SPTSSB: variants seen among roughly 807,000 people sequenced by gnomAD.
SPTSSB encodes the protein serine palmitoyltransferase small subunit B.
SPTSSB carries 6 observed loss-of-function variants against 7.7 expected under a neutral mutation model. That is an observed-to-expected ratio of 0.78 (90% confidence interval 0.43 to 1.54). SPTSSB has a LOEUF of 1.54. SPTSSB is among the 40% of genes most tolerant of loss of function. The pLI is 0.01. For missense variants in SPTSSB, 91 were observed against 93.0 expected (o/e 0.98, Z 0.09); for synonymous variants, 28 against 29.7 (o/e 0.94, Z 0.19).
chr3:161,363,124 A>T (rs1260384445), intron 1 of SPTSSB, among the ~76,000 whole-genome samples: 1 of 151,780 alleles, frequency 6.6e-6, no homozygotes, highest in Non-Finnish European at 1.5e-5. Context: ...CATTTCCATT[A>T]TGTTGGTTCC....
intron 1 of SPTSSB, among the ~76,000 whole-genome samples, chr3:161,364,204 C>T (rs1267768314): frequency 6.6e-6 from 1 of 151,942 alleles, no homozygotes; most frequent in Non-Finnish European, 1.5e-5. Flanking sequence ...AATTTTGAGA[C>T]CAAAGGAAAG....
At chr3:161,362,658 A>G (rs1715058550) in intron 1 of SPTSSB, among the ~76,000 whole-genome samples, 1 of 152,090 alleles carries the variant, frequency 6.6e-6, no homozygotes, top group Non-Finnish European at 1.5e-5. Flanking sequence ...TGCCTTGTTT[A>G]TGATGACAAA....
At chr3:161,347,705 G>A (rs1176526709) in intron 2 of SPTSSB, among the ~76,000 whole-genome samples, 1 of 151,772 alleles carries the variant, frequency 6.6e-6, no homozygotes, top group Non-Finnish European at 1.5e-5. Flanking sequence ...AACCCTGTCT[G>A]TACTAAAAAT....
intron 2 of SPTSSB, among the ~76,000 whole-genome samples, chr3:161,349,529 G>A (rs1458196798): frequency 6.6e-6 from 1 of 152,216 alleles, no homozygotes; most frequent in Non-Finnish European, 1.5e-5. Flanking sequence ...CCTGTTTTTA[G>A]TTAGGTGCTT....
chr3:161,358,241 C>T (rs1714863500), intron 2 of SPTSSB, among the ~76,000 whole-genome samples: 1 of 151,914 alleles, frequency 6.6e-6, no homozygotes, highest in Admixed American at 6.6e-5. Context: ...CTTAAATTAT[C>T]CCTGTTTTAA....
intron 2 of SPTSSB, among the ~76,000 whole-genome samples, chr3:161,358,641 G>A (rs1714883816): frequency 6.6e-6 from 1 of 151,966 alleles, no homozygotes; most frequent in South Asian, 2.1e-4. Context: ...TCATTTTTAA[G>A]GTGGGGCATA....
chr3:161,368,426 C>T (rs1376909439), intron 1 of SPTSSB, among the ~76,000 whole-genome samples: 1 of 123,568 alleles, frequency 8.1e-6, no homozygotes, highest in Non-Finnish European at 1.6e-5. Context: ...CTAATCTTAC[C>T]TTCTTTTTTT....
At chr3:161,368,598 T>C (rs1041644530) in intron 1 of SPTSSB, among the ~76,000 whole-genome samples, 1 of 151,902 alleles carries the variant, frequency 6.6e-6, no homozygotes, top group Non-Finnish European at 1.5e-5. Flanking sequence ...GGCTAATTTT[T>C]TGTATTTTTA....
At chr3:161,356,225 G>T (rs1470280527) in intron 2 of SPTSSB, among the ~76,000 whole-genome samples, 1 of 152,202 alleles carries the variant, frequency 6.6e-6, no homozygotes, top group Non-Finnish European at 1.5e-5. Flanking sequence ...TACAGTACTT[G>T]TGGGAACTGT....
At chr3:161,367,418 G>A (rs555923381) in intron 1 of SPTSSB, among the ~76,000 whole-genome samples, 2 of 152,292 alleles carry the variant, frequency 1.3e-5, no homozygotes, top group Admixed American at 1.3e-4. Flanking sequence ...AATCCCTAAA[G>A]CTAAGGGTAT....
At chr3:161,362,360 G>A (rs1381793136) in intron 1 of SPTSSB, among the ~76,000 whole-genome samples, 1 of 152,000 alleles carries the variant, frequency 6.6e-6, no homozygotes, top group Non-Finnish European at 1.5e-5. Context: ...TTGAGCTAAG[G>A]GACAAATGTA....
intron 1 of SPTSSB, among the ~76,000 whole-genome samples, chr3:161,368,698 T>C (rs1471127674): frequency 6.6e-6 from 1 of 152,142 alleles, no homozygotes; most frequent in African/African-American, 2.4e-5. Flanking sequence ...AGTGCTGGGA[T>C]TACAGGCGTG....
At position 161,346,110 on chromosome 3, in the gene SPTSSB, T is replaced by A. The variant is rs751947838; in HGVS notation, c.214A>T (p.Ser72Cys). 2 of 1,568,446 alleles carry A rather than the reference T, an allele frequency of 1.3e-6. No individual in the cohort carries two copies. Among genetic ancestry groups the A allele is most frequent in the Non-Finnish European group, 1.8e-6 (2 of 1,138,432 alleles). Reference sequence around the variant, plus strand: ...GAACAGGATCAATTAGAAATTGTACTGTGATATCCACATATTTTTGAGAAA... The same window carrying A: ...GAACAGGATCAATTAGAAATTGTACAGTGATATCCACATATTTTTGAGAAA... ...EFFSKICGYHSTISN is the reference protein window; with the variant it reads ...EFFSKICGYHCTISN Residue 72 changes from serine (S) to cysteine (C), a missense_variant, in exon 3 of 3, where the codon AGT becomes TGT. Ser to Cys is a moderately radical substitution (Grantham distance 112). Coordinates refer to ENST00000620149, the MANE Select transcript of SPTSSB (RefSeq NM_001040100.2).
intron 2 of SPTSSB, among the ~76,000 whole-genome samples, chr3:161,348,588 T>C (rs993017730): frequency 6.6e-6 from 1 of 152,222 alleles, no homozygotes; most frequent in African/African-American, 2.4e-5. Flanking sequence ...CAACAGTGGA[T>C]ACATGGTAAG....
chr3:161,369,385 CTTTTTTTTTT>C (rs71149710), intron 1 of SPTSSB, among the ~76,000 whole-genome samples: 13 of 29,662 alleles, frequency 4.4e-4, no homozygotes, highest in South Asian at 8.1e-4. Context: ...TCTTTCTTTC[CTTTTTTTTTT>C]TTTTTTTTTT....
At chr3:161,367,968 G>A (rs1386604771) in intron 1 of SPTSSB, among the ~76,000 whole-genome samples, 1 of 152,178 alleles carries the variant, frequency 6.6e-6, no homozygotes, top group African/African-American at 2.4e-5. Context: ...ACGAATTGAT[G>A]AGTCCAAAAA....
chr3:161,350,966 G>C (rs916408806), intron 2 of SPTSSB, among the ~76,000 whole-genome samples: 9 of 151,992 alleles, frequency 5.9e-5, no homozygotes, highest in African/African-American at 2.2e-4. Flanking sequence ...TCATGAGAAA[G>C]GTATCAGACA....
chr3:161,354,701 T>TA (rs907962300), intron 2 of SPTSSB, among the ~76,000 whole-genome samples: 2 of 152,332 alleles, frequency 1.3e-5, no homozygotes, highest in African/African-American at 2.4e-5. Context: ...CAAAACAATT[T>TA]AAAAAACATG....
chr3:161,368,806 G>A (rs1377592775), intron 1 of SPTSSB, among the ~76,000 whole-genome samples: 1 of 152,200 alleles, frequency 6.6e-6, no homozygotes, highest in Admixed American at 6.5e-5. Flanking sequence ...GATATGTTAT[G>A]TAAATAAATC....
Sources: allele counts gnomAD v4.1 joint callset (sites outside exome capture counted in the v4.1 genomes callset), GRCh38; gene constraint gnomAD v4.1.1; transcripts MANE v1.5; gene names NCBI Gene and HGNC (gene_info 2026-07-23, HGNC 2026-07-21).